The following GNPTAB variants were observed in gnomAD, a reference collection of about 807,000 sequenced individuals.
GNPTAB encodes N-acetylglucosamine-1-phosphotransferase subunits alpha/beta.
In GNPTAB, 92 loss-of-function variants were observed where a neutral mutation model predicts 136.6. The ratio of observed to expected loss-of-function variants is 0.67; its 90% confidence interval spans 0.57 to 0.80. The LOEUF is 0.80. GNPTAB is among the 30% of genes least tolerant of loss of function. GNPTAB has a pLI of 0.00. For missense variants in GNPTAB, 1,343 were observed against 1,501.8 expected (o/e 0.89, Z 1.75); for synonymous variants, 512 against 535.1 (o/e 0.96, Z 0.60).
chr12:101,747,393 C>T (rs1329530727), intron 20 of GNPTAB, 152 bp from the exon 21 acceptor site: 1 of 645,514 alleles, frequency 1.5e-6, no homozygotes, highest in Non-Finnish European at 2.8e-6. Flanking sequence ...ATTCCTCTTC[C>T]AAAACAAAAA....
At chr12:101,757,733 G>C in intron 16 of GNPTAB, 76 bp from the exon 17 acceptor site, 1 of 794,470 alleles carries the variant, frequency 1.3e-6, no homozygotes, top group Non-Finnish European at 2.3e-6. Context: ...TCTTAGTTCT[G>C]ATTTTTAACT....
intron 1 of GNPTAB, among the ~76,000 whole-genome samples, chr12:101,818,561 A>G (rs1870632437): frequency 6.6e-6 from 1 of 152,086 alleles, no homozygotes; most frequent in Admixed American, 6.6e-5. Context: ...TATTTTTAGT[A>G]GAGATGAGGT....
intron 1 of GNPTAB, among the ~76,000 whole-genome samples, chr12:101,826,371 C>T (rs1367711499): frequency 6.6e-6 from 1 of 152,192 alleles, no homozygotes; most frequent in Non-Finnish European, 1.5e-5. Context: ...CACACAGATA[C>T]ACATACACAT....
chr12:101,813,775 G>A (rs578185983), intron 1 of GNPTAB, among the ~76,000 whole-genome samples: 4 of 152,022 alleles, frequency 2.6e-5, no homozygotes, highest in Non-Finnish European at 5.9e-5. Context: ...CAAGGCAGGA[G>A]GATCACTTGA....
At chr12:101,814,438 T>G (rs1870408216) in intron 1 of GNPTAB, among the ~76,000 whole-genome samples, 1 of 152,214 alleles carries the variant, frequency 6.6e-6, no homozygotes, top group African/African-American at 2.4e-5. Flanking sequence ...GGCTCACGTC[T>G]GTTAATTCCC....
At chr12:101,808,628 GA>G (rs1188764425) in intron 1 of GNPTAB, among the ~76,000 whole-genome samples, 1 of 152,170 alleles carries the variant, frequency 6.6e-6, no homozygotes, top group Non-Finnish European at 1.5e-5. Flanking sequence ...CCATAGGTGA[GA>G]AAAAGACTGA....
intron 7 of GNPTAB, chr12:101,779,946 T>C (rs1419086287): frequency 3.3e-6 from 2 of 606,410 alleles, no homozygotes; most frequent in East Asian, 5.7e-5. Context: ...TCCTTCTCTA[T>C]CCAGGAAACA....
Position 101,753,664 on chromosome 12 carries a change from T to C in GNPTAB, c.3435-125A>G, listed in dbSNP as rs1050753008. 43 of 801,800 alleles carry C rather than the reference T, an allele frequency of 5.4e-5. No individual in the cohort carries two copies. The African/African-American group carries it at 6.8e-4, about 13-fold the overall frequency. The allele number at this position is 801,800 out of a possible 1,614,324, so 49.7% of individuals were successfully genotyped here. A position where few individuals can be genotyped will look rare whatever the true frequency, so the allele number is the denominator to read the frequency against. ...TCCCAAGTTGGTATATTTGCTGATA[T>C]GATTCTCTGGGGGAATGATATTCTA... On this transcript the variant is annotated intron_variant, in intron 18 of 20. Transcript: ENST00000299314.
At chr12:101,760,707 G>A (rs1467383170) in intron 15 of GNPTAB, among the ~76,000 whole-genome samples, 1 of 151,434 alleles carries the variant, frequency 6.6e-6, no homozygotes, top group Non-Finnish European at 1.5e-5. Context: ...TAAATATTAA[G>A]AATTATTTTT....
intron 1 of GNPTAB, among the ~76,000 whole-genome samples, chr12:101,815,579 A>G (rs930137717): frequency 6.6e-6 from 1 of 150,812 alleles, no homozygotes; most frequent in African/African-American, 2.4e-5. Flanking sequence ...GTCTGTGAAT[A>G]GCCATTGCAC....
intron 7 of GNPTAB, among the ~76,000 whole-genome samples, chr12:101,772,467 T>C (rs145530151): frequency 0.019 from 2,875 of 152,314 alleles, 96 homozygotes; most frequent in African/African-American, 0.064. Context: ...TTTCCCCTTA[T>C]GATGTAGGCC....
chr12:101,766,674 C>T (rs1007518382), intron 11 of GNPTAB, among the ~76,000 whole-genome samples: 5 of 152,120 alleles, frequency 3.3e-5, no homozygotes, highest in African/African-American at 1.2e-4. Context: ...TTCCTTATTT[C>T]ATATTGATGT....
At position 101,746,244 on chromosome 12, in the gene GNPTAB, C is replaced by T. The variant is rs886048843; in HGVS notation, c.*920G>A. The T allele has an allele frequency of 1.3e-5, 2 of 152,148 alleles. No homozygotes were observed. The highest frequency in any genetic ancestry group is 4.2e-4 in the South Asian group (2 of 4,814). 9.4% of individuals were successfully genotyped at this position (152,148 alleles called of 1,614,324 possible). ...CAGGTGGCCTGCAATAATTTACTAA[C>T]CAGCCTTTTACAAAGAAAGTTTGCT... On this transcript the variant is annotated 3_prime_UTR_variant, in exon 21 of 21. Transcript: ENST00000299314.
chr12:101,798,904 C>T (rs1047793568), intron 1 of GNPTAB, among the ~76,000 whole-genome samples: 4 of 152,122 alleles, frequency 2.6e-5, no homozygotes, highest in Non-Finnish European at 4.4e-5. Flanking sequence ...CCACTAGTGC[C>T]GATGGAAGTG....
At position 101,771,124 on chromosome 12, in the gene GNPTAB, G is replaced by C. The variant is rs1953167968; in HGVS notation, c.805C>G (p.Leu269Val). ...AAATCCTTGGGGTTATTCAGTTTTA[G>C]AAGCGCTACACTGGCCTCTGAATAC... ...QLYSEASVALLKLNNPKDFQE... is the reference protein window; with the variant it reads ...QLYSEASVALVKLNNPKDFQE... Residue 269 changes from leucine (L) to valine (V), a missense_variant, in exon 8 of 21, where the codon CTA becomes GTA. Coordinates refer to ENST00000299314, the MANE Select transcript of GNPTAB (RefSeq NM_024312.5). The C allele has an allele frequency of 4.3e-6, 7 of 1,613,884 alleles. No individual in the cohort carries two copies. The East Asian group carries it at 1.6e-4, about 36-fold the overall frequency.
chr12:101,773,139 G>C (rs1953206663), intron 7 of GNPTAB: 3 of 253,340 alleles, frequency 1.2e-5, no homozygotes, highest in South Asian at 1.1e-4. Flanking sequence ...AGGGGAATCA[G>C]TGTCTGGTTC....
At chr12:101,779,801 A>G in intron 7 of GNPTAB, 1 of 321,368 alleles carries the variant, frequency 3.1e-6, no homozygotes, top group South Asian at 2.8e-5. Flanking sequence ...CACCTAAGAC[A>G]TTGTAGGAGC....
At chr12:101,811,618 AAGG>A (rs1169230458) in intron 1 of GNPTAB, among the ~76,000 whole-genome samples, 1 of 151,754 alleles carries the variant, frequency 6.6e-6, no homozygotes, top group Non-Finnish European at 1.5e-5. Context: ...GAAGAGAGCA[AAGG>A]AGGAGGGTGC....
chr12:101,761,601 T>C lies in GNPTAB; in HGVS notation c.2878A>G (p.Met960Val), dbSNP rs752018430. ...TCTTGCATAACAATCCGGTCAATCA[T>C]GTGAGGCATGTGAGCAGGGACTTTC... Reference protein sequence around the residue: ...SRKVPAHMPHMIDRIVMQELQ... With the variant: ...SRKVPAHMPHVIDRIVMQELQ... Residue 960 changes from methionine (M) to valine (V), a missense_variant, in exon 14 of 21, where the codon ATG (methionine) becomes GTG (valine). Met to Val is a conservative substitution (Grantham distance 21, BLOSUM62 1). Transcript: ENST00000299314. 24 of 1,614,206 alleles carry C rather than the reference T, an allele frequency of 1.5e-5. No individual in the cohort carries two copies. The highest frequency in any genetic ancestry group is 1.7e-5 in the Non-Finnish European group (20 of 1,180,020).
Sources: allele counts gnomAD v4.1 joint callset (sites outside exome capture counted in the v4.1 genomes callset), GRCh38; gene constraint gnomAD v4.1.1; transcripts MANE v1.5; gene names NCBI Gene and HGNC (gene_info 2026-07-23, HGNC 2026-07-21).